NKAIN1: variants seen among roughly 807,000 people sequenced by gnomAD.
NKAIN1 encodes sodium/potassium transporting ATPase interacting 1.
In NKAIN1, 13 loss-of-function variants were observed where a neutral mutation model predicts 31.6. The observed-to-expected ratio is 0.41, with a 90% CI of 0.27 to 0.65. The LOEUF (loss-of-function observed/expected upper bound fraction) is 0.65, where lower values mean the gene tolerates loss of function less well. NKAIN1 is among the 30% of genes least tolerant of loss of function. The pLI, the probability that NKAIN1 is intolerant of heterozygous loss-of-function variation, is 0.30. For synonymous variants in NKAIN1, 104 were observed against 109.0 expected (o/e 0.95, Z 0.28); for missense variants, 193 against 262.2 (o/e 0.74, Z 1.82).
chr1:31,205,918 C>T (rs190334255), intron 1 of NKAIN1, among the ~76,000 whole-genome samples: 14 of 151,752 alleles, frequency 9.2e-5, no homozygotes, highest in African/African-American at 2.7e-4. Flanking sequence ...CCACCGCGCC[C>T]GGCCCAGACA....
chr1:31,182,398 C>G, intron 5 of NKAIN1, 132 bp downstream of exon 5: 1 of 942,874 alleles, frequency 1.1e-6, no homozygotes, highest in Non-Finnish European at 1.7e-6. Flanking sequence ...CCATACCAGC[C>G]GCCTCTTCCC....
At chr1:31,196,590 G>T (rs1645329557) in intron 1 of NKAIN1, among the ~76,000 whole-genome samples, 1 of 151,546 alleles carries the variant, frequency 6.6e-6, no homozygotes, top group African/African-American at 2.4e-5. Flanking sequence ...GGGAGGCTGA[G>T]GCAGGAGAAT....
intron 1 of NKAIN1, among the ~76,000 whole-genome samples, chr1:31,230,207 C>A (rs1192030629): frequency 2.6e-5 from 4 of 152,108 alleles, no homozygotes; most frequent in Non-Finnish European, 5.9e-5. Context: ...AAGAGTGTAC[C>A]CCCTTTGTGA....
intron 1 of NKAIN1, among the ~76,000 whole-genome samples, chr1:31,231,719 A>ATG: frequency 6.6e-6 from 1 of 151,052 alleles, no homozygotes; most frequent in Non-Finnish European, 1.5e-5. Flanking sequence ...TTTAGTAGAG[A>ATG]CAGGGTTTCA....
At chr1:31,218,070 T>TTCTTTCTTTCTTTCTTTCTTTCTTTCTG in intron 1 of NKAIN1, among the ~76,000 whole-genome samples, 1 of 140,630 alleles carries the variant, frequency 7.1e-6, no homozygotes, top group Middle Eastern at 3.5e-3. Flanking sequence ...CTTTCTTTCT[T>TTCTTTCTTTCTTTCTTTCTTTCTTTCTG]TTTTTTTTTT....
chr1:31,209,173 G>A (rs138218469), intron 1 of NKAIN1, among the ~76,000 whole-genome samples: 15 of 152,272 alleles, frequency 9.9e-5, no homozygotes, highest in Middle Eastern at 3.4e-3. Context: ...TCAGGAGATC[G>A]TGACCAGCCT....
chr1:31,181,650 C>T lies in NKAIN1; in HGVS notation c.*53G>A, dbSNP rs377611703. The T allele has an allele frequency of 9.2e-5, 132 of 1,427,488 alleles. No homozygotes were observed. In the Middle Eastern group the frequency reaches 1.3e-3, roughly 14 times the overall value. 88.4% of individuals were successfully genotyped at this position (1,427,488 alleles called of 1,614,324 possible). A position where few individuals can be genotyped will look rare whatever the true frequency, so the allele number is the denominator to read the frequency against. On this transcript the variant is annotated 3_prime_UTR_variant, in exon 7 of 7. Transcript: ENST00000373736. Reference sequence around the variant, plus strand: ...ACGCCTGCGCCTTGGCCCGAGCTCGCGGCAGCTGCGGTCAGCCCAGGGCGA... The same window carrying T: ...ACGCCTGCGCCTTGGCCCGAGCTCGTGGCAGCTGCGGTCAGCCCAGGGCGA...
intron 1 of NKAIN1, among the ~76,000 whole-genome samples, chr1:31,197,318 A>C (rs1363362392): frequency 6.6e-6 from 1 of 151,598 alleles, no homozygotes; most frequent in Non-Finnish European, 1.5e-5. Flanking sequence ...TCATCGTGTT[A>C]GCCAGGATGG....
intron 1 of NKAIN1, among the ~76,000 whole-genome samples, chr1:31,223,102 C>T (rs991936881): frequency 1.3e-5 from 2 of 152,060 alleles, no homozygotes; most frequent in South Asian, 2.1e-4. Context: ...AACGGCCAGG[C>T]GCGGCGGCTC....
chr1:31,205,554 G>A (rs940092041), intron 1 of NKAIN1, among the ~76,000 whole-genome samples: 6 of 149,910 alleles, frequency 4.0e-5, no homozygotes, highest in African/African-American at 7.4e-5. Context: ...TGATCTGCCC[G>A]CCTAAGTCTC....
chr1:31,187,572 C>G (rs1645253702), intron 2 of NKAIN1, among the ~76,000 whole-genome samples: 2 of 152,162 alleles, frequency 1.3e-5, no homozygotes, highest in Non-Finnish European at 2.9e-5. Flanking sequence ...TTGCGCCCAC[C>G]CCTTCCTGAG....
At chr1:31,238,365 G>C (rs937638338) in intron 1 of NKAIN1, among the ~76,000 whole-genome samples, 4 of 152,162 alleles carry the variant, frequency 2.6e-5, no homozygotes, top group Admixed American at 6.5e-5. Context: ...TCCAGCATGA[G>C]GGGGGCTCAG....
At chr1:31,221,914 T>C (rs1342863830) in intron 1 of NKAIN1, among the ~76,000 whole-genome samples, 1 of 151,212 alleles carries the variant, frequency 6.6e-6, no homozygotes, top group Non-Finnish European at 1.5e-5. Flanking sequence ...AGTCTCACTC[T>C]GTCACCCAGG....
intron 1 of NKAIN1, among the ~76,000 whole-genome samples, chr1:31,221,422 T>G (rs1385917529): frequency 6.6e-6 from 1 of 152,096 alleles, no homozygotes; most frequent in African/African-American, 2.4e-5. Context: ...ACTCTGGGGG[T>G]GAAGCCTGGA....
At chr1:31,203,216 G>C (rs1274851387) in intron 1 of NKAIN1, among the ~76,000 whole-genome samples, 1 of 151,812 alleles carries the variant, frequency 6.6e-6, no homozygotes, top group African/African-American at 2.4e-5. Context: ...AGTAAGCCGA[G>C]ATTGCGCCAC....
intron 1 of NKAIN1, among the ~76,000 whole-genome samples, chr1:31,204,943 G>T (rs983324856): frequency 6.6e-6 from 1 of 152,114 alleles, no homozygotes; most frequent in Non-Finnish European, 1.5e-5. Context: ...CTCTGCACTC[G>T]GGCAGGCCTG....
Position 31,185,388 on chromosome 1 carries a change from A to G in NKAIN1, c.193-61T>C, listed in dbSNP as rs990745863. 14 of 1,337,324 alleles carry G rather than the reference A, an allele frequency of 1.0e-5. No individual in the cohort carries two copies. In the African/African-American group the frequency reaches 1.6e-4, roughly 15 times the overall value. 82.8% of individuals were successfully genotyped at this position (1,337,324 alleles called of 1,614,324 possible). On this transcript the variant is annotated intron_variant, in intron 2 of 6. Coordinates refer to ENST00000373736, the MANE Select transcript of NKAIN1 (RefSeq NM_024522.3). Reference sequence around the variant, plus strand: ...GGGGAGTGGGGGATGGGGAGTGTCAATGGAGACAGAGCTCAGGGATGAGGA... The same window carrying G: ...GGGGAGTGGGGGATGGGGAGTGTCAGTGGAGACAGAGCTCAGGGATGAGGA...
chr1:31,187,506 C>A (rs562273231), intron 2 of NKAIN1, among the ~76,000 whole-genome samples: 3 of 152,122 alleles, frequency 2.0e-5, no homozygotes, highest in Non-Finnish European at 2.9e-5. Context: ...AAATGCCAAG[C>A]CTTCCTGAAG....
intron 3 of NKAIN1, 133 bp from the exon 4 acceptor site, chr1:31,184,147 A>G: frequency 1.4e-6 from 1 of 703,958 alleles, no homozygotes; most frequent in Non-Finnish European, 2.3e-6. Context: ...TATTTGACCA[A>G]CAGGTGGCAC....
Sources: gnomAD v4.1 joint callset for allele counts (sites outside exome capture counted in the v4.1 genomes callset) on GRCh38, gnomAD v4.1.1 for gene constraint, MANE v1.5 for transcripts, NCBI Gene and HGNC (gene_info 2026-07-23, HGNC 2026-07-21) for gene names.